Variants in TSHZ2 observed in about 807,000 individuals in gnomAD.
TSHZ2 encodes the protein teashirt homolog 2.
A neutral mutation model predicts 74.4 loss-of-function variants in TSHZ2; 21 were observed. The ratio of observed to expected loss-of-function variants is 0.28; its 90% confidence interval spans 0.20 to 0.41. The LOEUF is 0.41. Among genes scored for constraint, TSHZ2 ranks in the 10% least tolerant of loss-of-function variants. The probability of loss-of-function intolerance (pLI) is 1.00; values close to 1 mark genes in which losing one functional copy is unlikely to be tolerated. For synonymous variants in TSHZ2, 540 were observed against 515.3 expected (o/e 1.05, Z -0.65); for missense variants, 1,244 against 1,293.5 (o/e 0.96, Z 0.59).
At chr20:53,436,200 A>C (rs368205734) in intron 2 of TSHZ2, among the ~76,000 whole-genome samples, 107 of 152,324 alleles carry the variant, frequency 7.0e-4, no homozygotes, top group African/African-American at 2.5e-3. Context: ...TGACTCAAAG[A>C]GCAAGCTATG....
intron 1 of TSHZ2, among the ~76,000 whole-genome samples, chr20:53,094,701 CA>C (rs1228997831): frequency 2.0e-5 from 3 of 152,114 alleles, no homozygotes; most frequent in Non-Finnish European, 2.9e-5. Context: ...TAACAGGTGT[CA>C]AAAATGCTAC....
intron 2 of TSHZ2, among the ~76,000 whole-genome samples, chr20:53,409,803 G>A (rs1439656184): frequency 1.4e-5 from 2 of 145,314 alleles, no homozygotes; most frequent in African/African-American, 5.1e-5. Context: ...CTTGAAAAAG[G>A]TCTTCAGAAT....
chr20:53,017,512 T>G (rs1404563540), intron 1 of TSHZ2, among the ~76,000 whole-genome samples: 3 of 152,058 alleles, frequency 2.0e-5, no homozygotes, highest in Non-Finnish European at 4.4e-5. Context: ...AAAATCATGA[T>G]CTAATAGATG....
intron 1 of TSHZ2, among the ~76,000 whole-genome samples, chr20:53,015,770 C>A (rs139474997): frequency 2.0e-5 from 3 of 152,030 alleles, no homozygotes; most frequent in Non-Finnish European, 4.4e-5. Context: ...GTTAACTCAC[C>A]GGTGATCATG....
At chr20:53,058,239 G>T (rs1392256758) in intron 1 of TSHZ2, among the ~76,000 whole-genome samples, 1 of 152,244 alleles carries the variant, frequency 6.6e-6, no homozygotes, top group East Asian at 1.9e-4. Context: ...CCACAGTCTC[G>T]TACTGGTATG....
In TSHZ2 at chr20:53,036,728, TTATAA is replaced by T. The variant is rs201064873; in HGVS notation, c.40+63400_40+63404del. Among the ~76,000 whole-genome samples the T allele has an allele frequency of 8.3e-3, 1,226 of 147,888 alleles. 5 individuals carry two copies. Among genetic ancestry groups the T allele is most frequent in the Non-Finnish European group, 0.013 (902 of 67,152 alleles). On this transcript the variant is annotated intron_variant, in intron 1 of 2. Transcript: ENST00000371497. ...ATATGTATGTATATTATATATGTAT[TTATAA>T]TATATATTATATAATTATATATATT...
chr20:53,329,962 C>T (rs115099881), intron 2 of TSHZ2, among the ~76,000 whole-genome samples: 27 of 152,312 alleles, frequency 1.8e-4, no homozygotes, highest in African/African-American at 6.5e-4. Flanking sequence ...ATCCAACCCA[C>T]TGCCTGTTTT....
chr20:53,083,812 A>T (rs545187515), intron 1 of TSHZ2, among the ~76,000 whole-genome samples: 24 of 152,216 alleles, frequency 1.6e-4, no homozygotes, highest in African/African-American at 5.5e-4. Flanking sequence ...TCCAGTTTGC[A>T]TTGATAACTT....
chr20:52,988,099 G>A (rs932679236), intron 1 of TSHZ2, among the ~76,000 whole-genome samples: 25 of 151,968 alleles, frequency 1.6e-4, no homozygotes, highest in African/African-American at 2.7e-4. Flanking sequence ...ATGTAGTACC[G>A]GTGATCCATG....
chr20:52,999,088 C>T (rs1012388352), intron 1 of TSHZ2, among the ~76,000 whole-genome samples: 9 of 144,984 alleles, frequency 6.2e-5, no homozygotes, highest in African/African-American at 1.1e-4. Context: ...CTGAAAACCA[C>T]GTTCTACTCT....
chr20:53,147,685 C>T (rs1201312157), intron 1 of TSHZ2, among the ~76,000 whole-genome samples: 2 of 152,108 alleles, frequency 1.3e-5, no homozygotes, highest in Non-Finnish European at 2.9e-5. Flanking sequence ...ATGCATAAGA[C>T]ATGCATAAAA....
At chr20:53,179,639 C>T (rs1226832064) in intron 1 of TSHZ2, 1 of 152,232 alleles carries the variant, frequency 6.6e-6, no homozygotes, top group Admixed American at 6.5e-5. Flanking sequence ...CTCCCATTTA[C>T]TCCCTCCCCT....
At chr20:53,149,942 A>C (rs1489334005) in intron 1 of TSHZ2, among the ~76,000 whole-genome samples, 1 of 152,208 alleles carries the variant, frequency 6.6e-6, no homozygotes, top group African/African-American at 2.4e-5. Context: ...CAGGGAATAG[A>C]GTCTGCTTAT....
intron 2 of TSHZ2, among the ~76,000 whole-genome samples, chr20:53,446,541 T>C (rs1984553964): frequency 7.0e-6 from 1 of 142,914 alleles, no homozygotes; most frequent in African/African-American, 2.6e-5. Context: ...ATCGCACCAC[T>C]GCACTCCAGT....
At chr20:53,304,593 G>A (rs986561905) in intron 2 of TSHZ2, among the ~76,000 whole-genome samples, 1 of 151,960 alleles carries the variant, frequency 6.6e-6, no homozygotes, top group Non-Finnish European at 1.5e-5. Context: ...ATTTCACATA[G>A]CAAAGAACTA....
In TSHZ2 at chr20:52,972,918, T is replaced by C; in HGVS notation, c.-376T>C. On this transcript the variant is annotated 5_prime_UTR_variant, in exon 1 of 3. Coordinates refer to ENST00000371497, the MANE Select transcript of TSHZ2 (RefSeq NM_173485.6). ...TCCGAACCCGGGCTTGGATGTTTAA[T>C]AAAGAAATCAAGTGTCTCAACAGTC... 5.2e-6 allele frequency: 1 copy of C among 191,942 alleles called. No individual in the cohort carries two copies. Among genetic ancestry groups the C allele is most frequent in the Non-Finnish European group, 8.9e-6 (1 of 112,802 alleles). The allele number at this position is 191,942 out of a possible 1,614,324, so 11.9% of individuals were successfully genotyped here.
Position 53,320,007 on chromosome 20 carries a change from A to G in TSHZ2, c.*8+63436A>G, listed in dbSNP as rs777095370. 2.0e-4 allele frequency among the ~76,000 whole-genome samples: 31 copies of G among 152,324 alleles called. No individual in the cohort carries two copies. In the East Asian group the frequency reaches 2.1e-3, roughly 10 times the overall value. On this transcript the variant is annotated intron_variant, in intron 2 of 2. Coordinates refer to ENST00000371497, the MANE Select transcript of TSHZ2 (RefSeq NM_173485.6). ...TTTCCCTTCTTCATGAGAAAGCCCA[A>G]TCACCCTTTCTGGGCCATCAACCTA...
Position 53,255,074 on chromosome 20 carries a change from G to C in TSHZ2, c.1616G>C (p.Ser539Thr). ...NKAQNGAPSW[S>T]AYPSIHAAYQ... Reference sequence around the variant, plus strand: ...GCCCAAAACGGGGCCCCCAGCTGGAGTGCCTACCCCAGCATCCACGCAGCC... The same window carrying C: ...GCCCAAAACGGGGCCCCCAGCTGGACTGCCTACCCCAGCATCCACGCAGCC... Residue 539 changes from serine (S) to threonine (T), a missense_variant, in exon 2 of 3, where the codon AGT (serine) becomes ACT (threonine). Ser to Thr is a moderately conservative substitution (Grantham distance 58). This residue lies in a region of TSHZ2 where 562 missense variants were observed against 544.0 expected (regional missense o/e 1.03). Transcript: ENST00000371497. The surrounding 1 kb of genome is among the most constrained non-coding windows in gnomAD (Gnocchi z 4.1). 1 of 1,614,178 alleles carries C rather than the reference G, an allele frequency of 6.2e-7. No homozygotes were observed. The highest frequency in any genetic ancestry group is 8.5e-7 in the Non-Finnish European group (1 of 1,180,038).
In TSHZ2 at chr20:53,254,814, T is replaced by G. The variant is rs1286945464; in HGVS notation, c.1356T>G (p.Asp452Glu). The G allele has an allele frequency of 6.2e-7, 1 of 1,613,716 alleles. No homozygotes were observed. The highest frequency in any genetic ancestry group is 1.7e-5 in the Admixed American group (1 of 59,944). The change falls in exon 2 of 3, where the codon GAT becomes GAG. Residue 452 changes from aspartate to glutamate, a missense_variant. Coordinates refer to ENST00000371497, the MANE Select transcript of TSHZ2 (RefSeq NM_173485.6). Reference sequence around the variant, plus strand: ...AGCCATCCAGTAACTCAGCATCAGATTGTACAGCCTCTACAACTGAGTTAA... The same window carrying G: ...AGCCATCCAGTAACTCAGCATCAGAGTGTACAGCCTCTACAACTGAGTTAA... The part of the protein sequence containing the change: ...APKPSSNSAS[D>E]CTASTTELKK...
Sources: gnomAD v4.1 joint callset for allele counts (sites outside exome capture counted in the v4.1 genomes callset) on GRCh38, gnomAD v4.1.1 for gene constraint, gnomAD v4.1.1 regional missense constraint, Gnocchi (gnomAD v3.1) non-coding constraint, MANE v1.5 for transcripts, NCBI Gene and HGNC (gene_info 2026-07-23, HGNC 2026-07-21) for gene names.